The following EYS variants were observed in gnomAD, a reference collection of about 807,000 sequenced individuals.
The protein encoded by EYS is EGF-like photoreceptor maintenance factor.
EYS carries 250 observed loss-of-function variants against 282.1 expected under a neutral mutation model. That is an observed-to-expected ratio of 0.89 (90% CI 0.80 to 0.98). The LOEUF (loss-of-function observed/expected upper bound fraction) is 0.98, where lower values mean the gene tolerates loss of function less well. EYS is among the 50% of genes least tolerant of loss of function. The probability of loss-of-function intolerance (pLI) is 0.00; values close to 1 mark genes in which losing one functional copy is unlikely to be tolerated. For synonymous variants in EYS, 1,355 were observed against 1,282.9 expected (o/e 1.06, Z -1.20); for missense variants, 4,016 against 3,709.0 (o/e 1.08, Z -2.15).
At chr6:64,993,234 A>G (rs539306787) in intron 14 of EYS, among the ~76,000 whole-genome samples, 2 of 152,006 alleles carry the variant, frequency 1.3e-5, no homozygotes, top group African/African-American at 2.4e-5. Context: ...ATTGTTGGAC[A>G]TTTGGGTTGG....
At chr6:64,074,713 T>C (rs908089846) in intron 32 of EYS, among the ~76,000 whole-genome samples, 8 of 151,914 alleles carry the variant, frequency 5.3e-5, no homozygotes, top group African/African-American at 1.9e-4. Flanking sequence ...TTAAATCAGG[T>C]ACCTAGATTA....
At chr6:64,723,537 C>T (rs186112243) in intron 22 of EYS, among the ~76,000 whole-genome samples, 280 of 152,330 alleles carry the variant, frequency 1.8e-3, no homozygotes, top group Admixed American at 5.2e-3. Context: ...CTTACGCCCA[C>T]TCTCTTCACA....
At chr6:65,237,003 C>T (rs1421140370) in intron 12 of EYS, among the ~76,000 whole-genome samples, 2 of 152,076 alleles carry the variant, frequency 1.3e-5, no homozygotes, top group East Asian at 3.9e-4. Context: ...GTGCTGAAGA[C>T]CAATTTTGTT....
intron 6 of EYS, 131 bp downstream of exon 6, chr6:65,405,043 C>T (rs573745052): frequency 1.6e-5 from 10 of 620,360 alleles, no homozygotes; most frequent in South Asian, 2.4e-5. Flanking sequence ...ATAAGTAGAC[C>T]GTTCTTGTTC....
chr6:64,157,632 C>T (rs1774973960), intron 31 of EYS, among the ~76,000 whole-genome samples: 3 of 152,024 alleles, frequency 2.0e-5, no homozygotes, highest in African/African-American at 7.2e-5. Flanking sequence ...CCAGCTGTGG[C>T]TGAAAGGGGC....
At chr6:64,840,453 T>A (rs183535718) in intron 19 of EYS, among the ~76,000 whole-genome samples, 1 of 152,264 alleles carries the variant, frequency 6.6e-6, no homozygotes, top group Admixed American at 6.6e-5. Context: ...ACATTTGAAT[T>A]AATGGGTTGA....
intron 22 of EYS, among the ~76,000 whole-genome samples, chr6:64,704,161 T>C (rs1470932488): frequency 6.6e-6 from 1 of 151,714 alleles, no homozygotes; most frequent in Admixed American, 6.6e-5. Flanking sequence ...TTTGGACAAT[T>C]GAGTTAAATG....
intron 22 of EYS, among the ~76,000 whole-genome samples, chr6:64,779,362 CATATGG>C (rs1773786371): frequency 2.6e-5 from 4 of 151,974 alleles, no homozygotes; most frequent in African/African-American, 9.7e-5. Context: ...CACTTAGACC[CATATGG>C]CTAAGTGAGG....
chr6:64,191,982 C>T (rs899197261), intron 31 of EYS, among the ~76,000 whole-genome samples: 8 of 145,628 alleles, frequency 5.5e-5, no homozygotes, highest in Non-Finnish European at 7.6e-5. Context: ...ACATCCTCTC[C>T]AGCACCTGTT....
At chr6:63,794,122 G>C (rs1770583733) in intron 37 of EYS, among the ~76,000 whole-genome samples, 1 of 152,200 alleles carries the variant, frequency 6.6e-6, no homozygotes, top group African/African-American at 2.4e-5. Flanking sequence ...TGGGAAATAA[G>C]AAGGGATAAT....
chr6:63,891,907 A>G (rs959998287), intron 35 of EYS, among the ~76,000 whole-genome samples: 1 of 152,208 alleles, frequency 6.6e-6, no homozygotes, highest in Non-Finnish European at 1.5e-5. Context: ...ATCAATGTGT[A>G]AAAATCACAA....
intron 33 of EYS, among the ~76,000 whole-genome samples, chr6:64,039,384 G>A (rs1770278576): frequency 6.6e-6 from 1 of 152,170 alleles, no homozygotes; most frequent in African/African-American, 2.4e-5. Flanking sequence ...GTATTGCAAA[G>A]CAAGGGAATA....
At chr6:64,150,942 G>C (rs994293264) in intron 31 of EYS, among the ~76,000 whole-genome samples, 18 of 151,930 alleles carry the variant, frequency 1.2e-4, no homozygotes, top group Non-Finnish European at 2.6e-4. Flanking sequence ...CTTTTTATAG[G>C]AATACCAATT....
At chr6:63,888,905 G>T (rs965780705) in intron 35 of EYS, among the ~76,000 whole-genome samples, 10 of 152,152 alleles carry the variant, frequency 6.6e-5, no homozygotes, top group African/African-American at 2.4e-4. Flanking sequence ...AAAGGTTAGA[G>T]AAATTTCAAA....
intron 14 of EYS, among the ~76,000 whole-genome samples, chr6:64,996,332 C>A (rs999741518): frequency 1.3e-4 from 19 of 151,632 alleles, no homozygotes; most frequent in African/African-American, 4.4e-4. Context: ...TCAACTATAC[C>A]CCCCCATCTT....
chr6:64,428,416 CA>C (rs1461157896), intron 28 of EYS, among the ~76,000 whole-genome samples: 1 of 152,042 alleles, frequency 6.6e-6, no homozygotes, highest in Non-Finnish European at 1.5e-5. Context: ...ACAGCTGAGT[CA>C]AGTGAATCAT....
intron 12 of EYS, among the ~76,000 whole-genome samples, chr6:65,232,463 C>T (rs1766808116): frequency 6.6e-6 from 1 of 151,986 alleles, no homozygotes; most frequent in Non-Finnish European, 1.5e-5. Context: ...AATTTCTTAA[C>T]ATGCTCTATA....
At chr6:64,120,205 A>C (rs1773532095) in intron 31 of EYS, among the ~76,000 whole-genome samples, 1 of 151,066 alleles carries the variant, frequency 6.6e-6, no homozygotes, top group African/African-American at 2.4e-5. Context: ...AATTACAAAA[A>C]ATTAGCCAGG....
In EYS at chr6:65,282,506, C is replaced by T. The variant is rs548276416; in HGVS notation, c.2023+13357G>A. The stretch of plus-strand genomic sequence containing the variant: ...GTAAAACAAAAATAAGTTGTTAACA[C>T]GTGAGCAAATTTTTAAGTATGTTAT... On this transcript the variant is annotated intron_variant, in intron 12 of 42. Coordinates refer to ENST00000503581, the MANE Select transcript of EYS (RefSeq NM_001142800.2). 4.2e-4 allele frequency among the ~76,000 whole-genome samples: 64 copies of T among 151,978 alleles called. 1 individual carries two copies. The highest frequency in any genetic ancestry group is 1.9e-3 in the East Asian group (10 of 5,170).
Sources: allele counts gnomAD v4.1 joint callset (sites outside exome capture counted in the v4.1 genomes callset), GRCh38; gene constraint gnomAD v4.1.1; transcripts MANE v1.5; gene names NCBI Gene and HGNC (gene_info 2026-07-23, HGNC 2026-07-21).